The following PCDHA3 variants were observed in gnomAD, a reference collection of about 807,000 sequenced individuals.
PCDHA3 encodes protocadherin alpha-3.
Under a neutral mutation model 62.2 loss-of-function variants are expected in PCDHA3, and 41 were observed. The observed-to-expected ratio is 0.66, with a 90% CI of 0.51 to 0.86. The LOEUF (loss-of-function observed/expected upper bound fraction) is 0.86, where lower values mean the gene tolerates loss of function less well. PCDHA3 is among the 40% of genes least tolerant of loss of function. The probability of loss-of-function intolerance (pLI) is 0.00; values close to 1 mark genes in which losing one functional copy is unlikely to be tolerated. For missense variants in PCDHA3, 1,304 were observed against 1,241.2 expected, an observed-to-expected ratio of 1.05 and a Z score of -0.76; for synonymous variants, 640 against 555.4, an observed-to-expected ratio of 1.15 and a Z score of -2.14.
At chr5:140,842,869 G>A (rs1562404536) in intron 1 of PCDHA3, 1 of 1,594,118 alleles carries the variant, frequency 6.3e-7, no homozygotes, top group Non-Finnish European at 8.6e-7. Context: ...AGAGCGGCAA[G>A]GTGTACGCGC....
At chr5:140,901,766 A>T (rs2068897184) in intron 1 of PCDHA3, among the ~76,000 whole-genome samples, 1 of 152,188 alleles carries the variant, frequency 6.6e-6, no homozygotes, top group Admixed American at 6.5e-5. Flanking sequence ...CAGGGATTGC[A>T]TTGAATTTGT....
intron 1 of PCDHA3, chr5:140,841,721 C>T (rs2150321568): frequency 1.2e-6 from 2 of 1,613,868 alleles, no homozygotes; most frequent in Non-Finnish European, 8.5e-7. Context: ...GCCAGTGTTC[C>T]GGGTAAAAGA....
intron 1 of PCDHA3, chr5:140,812,108 T>C (rs1356009801): frequency 6.6e-6 from 1 of 151,988 alleles, no homozygotes; most frequent in African/African-American, 2.4e-5. Context: ...CTTTAAAAGT[T>C]TGGTAGAATT....
chr5:140,803,622 T>A (rs1003396292), intron 1 of PCDHA3, 31 bp downstream of exon 1: 1 of 1,613,896 alleles, frequency 6.2e-7, no homozygotes, highest in Admixed American at 1.7e-5. Flanking sequence ...CTTTCCAAAA[T>A]GTCTTTGTTT....
chr5:140,828,874 TATC>T, intron 1 of PCDHA3: 2 of 1,614,208 alleles, frequency 1.2e-6, no homozygotes, highest in Non-Finnish European at 1.7e-6. Context: ...GAACAACAGT[TATC>T]AGACTGAATG....
At chr5:140,830,746 G>T in intron 1 of PCDHA3, 1 of 191,342 alleles carries the variant, frequency 5.2e-6, no homozygotes, top group Non-Finnish European at 1.1e-5. Context: ...GTCGTTTTCT[G>T]TTGCATTTTA....
chr5:140,967,391 C>T, intron 1 of PCDHA3: 1 of 1,609,676 alleles, frequency 6.2e-7, no homozygotes, highest in South Asian at 1.1e-5. Flanking sequence ...AGTGCTTGAG[C>T]TGGTGCTGCG....
At chr5:140,955,907 C>A (rs1356508512) in intron 1 of PCDHA3, among the ~76,000 whole-genome samples, 3 of 152,126 alleles carry the variant, frequency 2.0e-5, no homozygotes, top group East Asian at 3.8e-4. Flanking sequence ...CTCTTTGTAG[C>A]AATTGTGAAT....
intron 1 of PCDHA3, among the ~76,000 whole-genome samples, chr5:140,920,262 T>A (rs1199241403): frequency 2.0e-5 from 3 of 152,216 alleles, no homozygotes; most frequent in African/African-American, 7.2e-5. Flanking sequence ...ATAATAATTA[T>A]TACTTTATGT....
intron 3 of PCDHA3, among the ~76,000 whole-genome samples, chr5:140,996,604 A>G (rs1554255259): frequency 1.3e-5 from 2 of 152,090 alleles, no homozygotes; most frequent in African/African-American, 4.8e-5. Flanking sequence ...CCCCATTTTC[A>G]TTTGGCAAAT....
chr5:140,871,722 A>G (rs1354844618), intron 1 of PCDHA3: 1 of 760,470 alleles, frequency 1.3e-6, no homozygotes, highest in Non-Finnish European at 2.0e-6. Context: ...ATTTCTCTTA[A>G]TATTTGGTTA....
At chr5:140,948,325 C>T (rs1554218520) in intron 1 of PCDHA3, among the ~76,000 whole-genome samples, 1 of 151,476 alleles carries the variant, frequency 6.6e-6, no homozygotes. Flanking sequence ...GTAATGTTTT[C>T]ATTAGGTTTT....
At chr5:140,820,700 C>T (rs1554127900) in intron 1 of PCDHA3, among the ~76,000 whole-genome samples, 1 of 151,906 alleles carries the variant, frequency 6.6e-6, no homozygotes, top group Admixed American at 6.6e-5. Flanking sequence ...ATATTCTTTT[C>T]AACATGATTA....
chr5:140,808,107 A>T (rs145409201), intron 1 of PCDHA3: 2 of 1,613,886 alleles, frequency 1.2e-6, no homozygotes, highest in African/African-American at 2.7e-5. Flanking sequence ...GTAAAGGGAT[A>T]TATTGACTTT....
chr5:140,835,734 A>T lies in PCDHA3; in HGVS notation c.2394+32143A>T, dbSNP rs1554135223. 1.9e-6 allele frequency: 3 copies of T among 1,613,614 alleles called. No individual in the cohort carries two copies. In the African/African-American group the frequency reaches 4.0e-5, roughly 22 times the overall value. On this transcript the variant is annotated intron_variant, in intron 1 of 3. Coordinates refer to ENST00000522353, the MANE Select transcript of PCDHA3 (RefSeq NM_018906.3). ...CGTGGAGGTGGCCGACGTGAACGAC[A>T]ACGCCCCGGCGTTCGCGCAGCCCGA... is the stretch of plus-strand genomic sequence containing the variant.
At chr5:140,907,752 T>C (rs1255877387) in intron 1 of PCDHA3, among the ~76,000 whole-genome samples, 5 of 152,190 alleles carry the variant, frequency 3.3e-5, no homozygotes, top group African/African-American at 1.2e-4. Flanking sequence ...ACTTTGTTCA[T>C]GGGCCCATTG....
At chr5:141,009,120 T>C (rs1383940737) in intron 3 of PCDHA3, among the ~76,000 whole-genome samples, 1 of 152,236 alleles carries the variant, frequency 6.6e-6, no homozygotes, top group African/African-American at 2.4e-5. Flanking sequence ...ACTAGATTCT[T>C]GGTATCCTGG....
At chr5:140,871,228 CTCCTGG>C in intron 1 of PCDHA3, 1 of 1,613,938 alleles carries the variant, frequency 6.2e-7, no homozygotes, top group Non-Finnish European at 8.5e-7. Context: ...GGTGTCCAGC[CTCCTGG>C]TACTCACGCT....
intron 1 of PCDHA3, among the ~76,000 whole-genome samples, chr5:140,971,016 A>G (rs1554232958): frequency 6.6e-6 from 1 of 152,208 alleles, no homozygotes; most frequent in African/African-American, 2.4e-5. Flanking sequence ...AAGTCTTTAG[A>G]TCGTAGCATT....
Sources: gnomAD v4.1 joint callset for allele counts (sites outside exome capture counted in the v4.1 genomes callset) on GRCh38, gnomAD v4.1.1 for gene constraint, MANE v1.5 for transcripts, NCBI Gene and HGNC (gene_info 2026-07-23, HGNC 2026-07-21) for gene names.